The following TERT variants were observed in gnomAD, a reference collection of about 807,000 sequenced individuals.
The protein encoded by TERT is telomerase catalytic subunit.
A neutral mutation model predicts 104.0 loss-of-function variants in TERT; 42 were observed. The ratio of observed to expected loss-of-function variants is 0.40; its 90% CI spans 0.32 to 0.52. The LOEUF (loss-of-function observed/expected upper bound fraction) is 0.52, where lower values mean the gene tolerates loss of function less well. TERT is among the 20% of genes least tolerant of loss of function. The pLI is 0.43. For synonymous variants in TERT, 781 were observed against 725.6 expected (o/e 1.08, Z -1.23); for missense variants, 1,101 against 1,610.3 (o/e 0.68, Z 5.41).
chr5:1,283,057 C>T (rs1276656384), intron 2 of TERT: 6 of 345,016 alleles, frequency 1.7e-5, no homozygotes, highest in Non-Finnish European at 3.4e-5. Context: ...CACGCCAGAC[C>T]TGCACCATCC....
chr5:1,289,074 A>G (rs1200795002), intron 2 of TERT, among the ~76,000 whole-genome samples: 1 of 151,946 alleles, frequency 6.6e-6, no homozygotes, highest in Non-Finnish European at 1.5e-5. Flanking sequence ...CGCCAAGGAC[A>G]CCTGGGGACA....
At chr5:1,285,183 G>C (rs1392548787) in intron 2 of TERT, among the ~76,000 whole-genome samples, 1 of 138,602 alleles carries the variant, frequency 7.2e-6, no homozygotes, top group Non-Finnish European at 1.6e-5. Context: ...AGGGCCTGGA[G>C]ACCTCACCCC....
chr5:1,266,083 C>T (rs1030535515), intron 10 of TERT, among the ~76,000 whole-genome samples: 1 of 151,726 alleles, frequency 6.6e-6, no homozygotes, highest in African/African-American at 2.4e-5. Context: ...TCAGGTGCAC[C>T]CTGGGGAGGA....
chr5:1,258,550 G>T, intron 13 of TERT, 48 bp downstream of exon 13: 1 of 1,525,644 alleles, frequency 6.6e-7, no homozygotes, highest in Non-Finnish European at 8.9e-7. Context: ...TGAGCAGAGC[G>T]CGGAGGGTCC....
In TERT at chr5:1,253,778, C is replaced by A. The variant is rs749874887; in HGVS notation, c.3349G>T (p.Ala1117Ser). 1.9e-6 allele frequency: 3 copies of A among 1,612,178 alleles called. No individual in the cohort carries two copies. In the African/African-American group the frequency reaches 4.0e-5, roughly 22 times the overall value. The change falls in exon 16 of 16, where the codon GCC (alanine) becomes TCC (serine). Residue 1117 changes from alanine to serine, a missense_variant. By Grantham distance (99) the Ala-to-Ser change is moderately conservative. Transcript: ENST00000310581. The stretch of plus-strand genomic sequence containing the variant: ...GAGGGCAGTGCCGGGTTGGCTGCGG[C>A]CTCCAGGGCAGTCAGCGTCGTCCCC... ...LPGTTLTALE[A>S]AANPALPSDF...
At chr5:1,285,646 T>A (rs1009468301) in intron 2 of TERT, among the ~76,000 whole-genome samples, 1 of 134,562 alleles carries the variant, frequency 7.4e-6, no homozygotes, top group African/African-American at 2.7e-5. Context: ...GTCGGCTCAC[T>A]GCAACTTCCA....
chr5:1,260,700 C>T (rs1360980059), intron 11 of TERT, 100 bp from the exon 12 acceptor site: 3 of 1,545,048 alleles, frequency 1.9e-6, no homozygotes, highest in African/African-American at 2.7e-5. Context: ...CCTCCCGCTT[C>T]CTTGTCCTGC....
At chr5:1,275,940 A>G (rs1484806417) in intron 6 of TERT, among the ~76,000 whole-genome samples, 8 of 140,938 alleles carry the variant, frequency 5.7e-5, no homozygotes, top group Non-Finnish European at 1.1e-4. Context: ...TACCCTACAC[A>G]TGAAAACCAA....
At chr5:1,275,090 C>G (rs1749456206) in intron 6 of TERT, among the ~76,000 whole-genome samples, 1 of 152,176 alleles carries the variant, frequency 6.6e-6, no homozygotes, top group Non-Finnish European at 1.5e-5. Flanking sequence ...GGAAGCGAGT[C>G]TCGGCCGGGC....
At position 1,259,360 on chromosome 5, in the gene TERT, A is replaced by G. The variant is rs565217710; in HGVS notation, c.2971-701T>C. 5.2e-5 allele frequency among the ~76,000 whole-genome samples: 6 copies of G among 115,534 alleles called. 1 individual carries two copies. The highest frequency in any genetic ancestry group is 1.7e-4 in the African/African-American group (5 of 28,920). 75.8% of individuals were successfully genotyped at this position (115,534 alleles called of 152,430 possible). ...ACATGGACGCCCACAGGAGAGAGGG[A>G]GCAGACGCAGATGCCCACAGGAGAG... On this transcript the variant is annotated intron_variant, in intron 12 of 15. Coordinates refer to ENST00000310581, the MANE Select transcript of TERT (RefSeq NM_198253.3).
rs1468352629 is a variant in TERT at position 1,291,227 on chromosome 5, C to T, written c.1573+2086G>A. On this transcript the variant is annotated intron_variant, in intron 2 of 15. Transcript: ENST00000310581. The stretch of plus-strand genomic sequence containing the variant: ...CACGTGACAGGGACACCTGGGGCCG[C>T]GCCTCACTCACCCTACACCTGAGAG... Among the ~76,000 whole-genome samples, 5 of 110,056 alleles carry T rather than the reference C, an allele frequency of 4.5e-5. 1 individual carries two copies. Among genetic ancestry groups the T allele is most frequent in the African/African-American group, 1.9e-4 (5 of 26,104 alleles). The allele number at this position is 110,056 out of a possible 152,430, so 72.2% of individuals were successfully genotyped here.
Position 1,255,504 on chromosome 5 carries a change from G to A in TERT, c.3033-93C>T. The A allele has an allele frequency of 1.3e-6, 2 of 1,487,926 alleles. No homozygotes were observed. The highest frequency in any genetic ancestry group is 1.8e-4 in the Middle Eastern group (1 of 5,458). 92.2% of individuals were successfully genotyped at this position (1,487,926 alleles called of 1,614,324 possible). On this transcript the variant is annotated intron_variant, in intron 13 of 15. Transcript: ENST00000310581. The surrounding 1 kb of genome is among the most constrained non-coding windows in gnomAD (Gnocchi z 6.9). The stretch of plus-strand genomic sequence containing the variant: ...TGGGCCCACCGGTGCCTGTGTGCGT[G>A]CATGAATGCACATGCATGGGTTTCC...
At position 1,256,910 on chromosome 5, in the gene TERT, G is replaced by A. The variant is rs1169868044; in HGVS notation, c.3033-1499C>T. On this transcript the variant is annotated intron_variant, in intron 13 of 15. Coordinates refer to ENST00000310581, the MANE Select transcript of TERT (RefSeq NM_198253.3). This position sits in a 1 kb window ranked among gnomAD's most constrained non-coding sequence, Gnocchi z 7.0. ...GCGGCCAGCACGGGCCAGGAAGGCC[G>A]AGCCCCAGCGGATTTGAATCAGACC... Among the ~76,000 whole-genome samples, 2 of 152,114 alleles carry A rather than the reference G, an allele frequency of 1.3e-5. No homozygotes were observed. Among genetic ancestry groups the A allele is most frequent in the African/African-American group, 2.4e-5 (1 of 41,436 alleles).
In TERT at chr5:1,269,568, G is replaced by A. The variant is rs902127795; in HGVS notation, c.2469-935C>T. ...GGAGGTTGCAGTGAGTTGAGATCGC[G>A]CCACTGCACTCAAGCCCAGGCAGAC... On this transcript the variant is annotated intron_variant, in intron 8 of 15. Transcript: ENST00000310581. The surrounding 1 kb of genome is among the most constrained non-coding windows in gnomAD (Gnocchi z 9.0). 2.0e-5 allele frequency among the ~76,000 whole-genome samples: 3 copies of A among 150,960 alleles called. No individual in the cohort carries two copies. The highest frequency in any genetic ancestry group is 2.9e-5 in the Non-Finnish European group (2 of 67,842).
chr5:1,273,257 TCACCA>T (rs1368518172), intron 6 of TERT, among the ~76,000 whole-genome samples: 2 of 14,614 alleles, frequency 1.4e-4, no homozygotes, highest in Non-Finnish European at 2.1e-4. Flanking sequence ...CCATCCACAG[TCACCA>T]CACATCAGAC....
intron 15 of TERT, among the ~76,000 whole-genome samples, chr5:1,254,111 A>G (rs1178954398): frequency 6.6e-6 from 1 of 152,196 alleles, no homozygotes; most frequent in Non-Finnish European, 1.5e-5. Context: ...CAGGGGTCAG[A>G]AGGCTCCCAA....
rs1160350595 is a variant in TERT at position 1,270,934 on chromosome 5, G to A, written c.2468+185C>T. ...TGCTCCGCTCCGGCTGCCGCAAGCC[G>A]AGCCATGTTTCCGGGGCCTCGGGAG... is the stretch of plus-strand genomic sequence containing the variant. On this transcript the variant is annotated intron_variant, in intron 8 of 15. Transcript: ENST00000310581. The surrounding 1 kb of genome is among the most constrained non-coding windows in gnomAD (Gnocchi z 8.3). 2.0e-5 allele frequency among the ~76,000 whole-genome samples: 3 copies of A among 152,214 alleles called. No homozygotes were observed. The highest frequency in any genetic ancestry group is 6.5e-5 in the Admixed American group (1 of 15,284).
intron 9 of TERT, among the ~76,000 whole-genome samples, chr5:1,267,608 G>A (rs921485530): frequency 1.3e-5 from 2 of 152,212 alleles, no homozygotes; most frequent in Non-Finnish European, 2.9e-5. Context: ...TGATAGACTG[G>A]ATTAAGAAAA....
intron 9 of TERT, among the ~76,000 whole-genome samples, chr5:1,267,359 C>A (rs1259749160): frequency 6.6e-6 from 1 of 152,210 alleles, no homozygotes; most frequent in African/African-American, 2.4e-5. Context: ...TCCTCTCCAG[C>A]ACCAGAACAC....
Sources: allele counts gnomAD v4.1 joint callset (sites outside exome capture counted in the v4.1 genomes callset), GRCh38; gene constraint gnomAD v4.1.1; non-coding constraint Gnocchi (gnomAD v3.1); transcripts MANE v1.5; gene names NCBI Gene and HGNC (gene_info 2026-07-23, HGNC 2026-07-21).